The following CFAP47 variants were observed in gnomAD, a reference collection of about 807,000 sequenced individuals.
CFAP47 encodes cilia and flagella associated protein 47.
In CFAP47, 29 loss-of-function variants were observed where a neutral mutation model predicts 148.1. The ratio of observed to expected loss-of-function variants is 0.20; its 90% CI spans 0.15 to 0.27. The LOEUF (loss-of-function observed/expected upper bound fraction) is 0.27. Ranked by LOEUF, CFAP47 falls within the 10% of genes least tolerant of loss-of-function variation. The pLI, the probability that CFAP47 is intolerant of heterozygous loss-of-function variation, is 1.00. For missense variants in CFAP47, 1,872 were observed against 1,697.5 expected (o/e 1.10, Z -1.81); for synonymous variants, 664 against 577.3 (o/e 1.15, Z -2.15).
At chrX:36,266,307 C>T (rs958639274) in intron 49 of CFAP47, among the ~76,000 whole-genome samples, 12 of 110,330 alleles carry the variant, frequency 1.1e-4, no homozygotes, top group South Asian at 3.9e-4. Flanking sequence ...CACACTGTGA[C>T]GGGGTGGCAG....
rs373860011 is a variant in CFAP47, at chrX:35,971,667, G to A, written c.2052G>A (p.Ala684=). 27 of 1,206,090 alleles carry A rather than the reference G, an allele frequency of 2.2e-5. No individual in the cohort carries two copies. Among genetic ancestry groups the A allele is most frequent in the Admixed American group, 4.4e-5 (2 of 45,568 alleles). Residue 684 remains alanine, a synonymous_variant, in exon 12 of 64, where the codon GCG becomes GCA. Transcript: ENST00000378653. ...TAAAGTCACCCTCACTCTCAGAAGC[G>A]GAAATAGAAGAGGAGCTGTCTTCAG... ...SGLKSPSLSE[A]EIEEELSSAA... is the part of the protein sequence containing the mutation.
rs148273158 is a variant in CFAP47 at position 36,172,727 on chromosome X, C to T, written c.6027-6618C>T. ...AGTATTTTATTGAGGAATTTTGCAGCAATATTCATCAAGGATATTGGTCTA... is the reference window on the plus strand; with the variant it reads ...AGTATTTTATTGAGGAATTTTGCAGTAATATTCATCAAGGATATTGGTCTA... On this transcript the variant is annotated intron_variant, in intron 39 of 63. Coordinates refer to ENST00000378653, the MANE Select transcript of CFAP47 (RefSeq NM_001304548.2). Among the ~76,000 whole-genome samples, 1,026 of 111,581 alleles carry T rather than the reference C, an allele frequency of 9.2e-3. 12 individuals carry two copies. The highest frequency in any genetic ancestry group is 0.03 in the African/African-American group (932 of 30,671).
chrX:35,968,865 TC>T (rs1160707511), intron 10 of CFAP47, among the ~76,000 whole-genome samples: 12 of 110,774 alleles, frequency 1.1e-4, no homozygotes, highest in Admixed American at 5.8e-4. Context: ...TTCTGTTTTT[TC>T]CTCTGGCTCA....
At chrX:36,050,743 G>A (rs945858731) in intron 26 of CFAP47, among the ~76,000 whole-genome samples, 7 of 111,554 alleles carry the variant, frequency 6.3e-5, no homozygotes, top group Non-Finnish European at 1.3e-4. Context: ...AGACAATGGG[G>A]AAAATGTCTC....
intron 22 of CFAP47, among the ~76,000 whole-genome samples, chrX:36,021,241 G>A (rs1937154567): frequency 9.0e-6 from 1 of 111,236 alleles, no homozygotes; most frequent in East Asian, 2.8e-4. Context: ...TTTAGTCTAT[G>A]TAAGAGTATT....
chrX:35,963,523 A>T (rs1376645520), intron 8 of CFAP47, among the ~76,000 whole-genome samples: 1 of 111,031 alleles, frequency 9.0e-6, no homozygotes, highest in Non-Finnish European at 1.9e-5. Context: ...CAGGATGTGC[A>T]GGTTTATTAC....
chrX:36,094,229 A>T (rs775169609), intron 30 of CFAP47, among the ~76,000 whole-genome samples: 10 of 110,289 alleles, frequency 9.1e-5, no homozygotes, highest in Admixed American at 6.8e-4. Flanking sequence ...CCATTGGTCG[A>T]TGTGTATGTT....
intron 22 of CFAP47, among the ~76,000 whole-genome samples, chrX:36,025,955 C>A (rs755609046): frequency 9.0e-6 from 1 of 111,562 alleles, no homozygotes; most frequent in Non-Finnish European, 1.9e-5. Context: ...TTGTTCATGA[C>A]GTCTAACATT....
At chrX:36,010,461 C>T (rs1275278714) in intron 21 of CFAP47, among the ~76,000 whole-genome samples, 1 of 104,001 alleles carries the variant, frequency 9.6e-6, no homozygotes, top group African/African-American at 3.6e-5. Context: ...AAAGTTTTGT[C>T]GTTTTTTTTT....
At chrX:36,004,988 T>A (rs1311041655) in intron 21 of CFAP47, among the ~76,000 whole-genome samples, 1 of 111,442 alleles carries the variant, frequency 9.0e-6, no homozygotes, top group African/African-American at 3.3e-5. Context: ...ACCTAATTTA[T>A]TGATATATAT....
intron 33 of CFAP47, among the ~76,000 whole-genome samples, chrX:36,136,617 A>G (rs1317307336): frequency 9.0e-6 from 1 of 111,241 alleles, no homozygotes; most frequent in Non-Finnish European, 1.9e-5. Context: ...TACACAAAAT[A>G]GTGACTATGT....
chrX:36,339,999 C>T (rs1556015487), intron 57 of CFAP47, among the ~76,000 whole-genome samples: 2 of 112,010 alleles, frequency 1.8e-5, no homozygotes, highest in Non-Finnish European at 3.8e-5. Flanking sequence ...TTTTTCTATA[C>T]TATTTCCTTT....
intron 1 of CFAP47, among the ~76,000 whole-genome samples, chrX:35,924,323 G>A (rs1910060878): frequency 9.4e-6 from 1 of 105,982 alleles, no homozygotes; most frequent in Non-Finnish European, 1.9e-5. Context: ...GTACATGTAT[G>A]TGTATATGTG....
At chrX:36,142,055 G>C (rs1458794721) in intron 35 of CFAP47, among the ~76,000 whole-genome samples, 2 of 112,111 alleles carry the variant, frequency 1.8e-5, no homozygotes, top group Non-Finnish European at 3.8e-5. Flanking sequence ...AAAAAGTTAG[G>C]TTCTTAGTAA....
intron 8 of CFAP47, among the ~76,000 whole-genome samples, chrX:35,956,479 A>G (rs758213413): frequency 8.9e-6 from 1 of 112,250 alleles, no homozygotes; most frequent in Non-Finnish European, 1.9e-5. Context: ...ACAGGTAGGT[A>G]TGGCTTAAGG....
At chrX:36,106,359 C>T (rs1421650111) in intron 33 of CFAP47, among the ~76,000 whole-genome samples, 1 of 111,928 alleles carries the variant, frequency 8.9e-6, no homozygotes, top group Non-Finnish European at 1.9e-5. Context: ...CTGTGCCTAA[C>T]AAAATAACAG....
intron 45 of CFAP47, among the ~76,000 whole-genome samples, chrX:36,219,207 T>C (rs1027208677): frequency 8.9e-6 from 1 of 111,734 alleles, no homozygotes; most frequent in Non-Finnish European, 1.9e-5. Flanking sequence ...AGACATGTAT[T>C]TGGGGGTAAA....
At chrX:36,236,958 C>G in intron 48 of CFAP47, 99 bp downstream of exon 48, 1 of 421,285 alleles carries the variant, frequency 2.4e-6, no homozygotes, top group Non-Finnish European at 4.2e-6. Flanking sequence ...TTTAGTTTTA[C>G]TTAATCAGTT....
intron 26 of CFAP47, among the ~76,000 whole-genome samples, chrX:36,063,936 G>T (rs1937615103): frequency 8.9e-6 from 1 of 112,325 alleles, no homozygotes; most frequent in South Asian, 3.7e-4. Flanking sequence ...GCTGAGATTT[G>T]AAACTTCCAT....
Sources: gnomAD v4.1 joint callset for allele counts (sites outside exome capture counted in the v4.1 genomes callset) on GRCh38, gnomAD v4.1.1 for gene constraint, MANE v1.5 for transcripts, NCBI Gene and HGNC (gene_info 2026-07-23, HGNC 2026-07-21) for gene names.